Variants in GRIN2B observed in about 807,000 individuals in gnomAD.
The protein encoded by GRIN2B is glutamate ionotropic receptor NMDA type subunit 2B, also known as glutamate receptor ionotropic, NMDA 2B.
In GRIN2B, 5 loss-of-function variants were observed where a neutral mutation model predicts 114.5. The ratio of observed to expected loss-of-function variants is 0.04; its 90% confidence interval spans 0.02 to 0.09. The LOEUF is 0.09. Among genes scored for constraint, GRIN2B ranks in the 10% least tolerant of loss-of-function variants. GRIN2B has a pLI of 1.00. For missense variants in GRIN2B, 1,108 were observed against 1,943.5 expected, an observed-to-expected ratio of 0.57 and a Z score of 8.08; for synonymous variants, 787 against 745.1, an observed-to-expected ratio of 1.06 and a Z score of -0.92.
chr12:13,743,153 T>C (rs1375959993), intron 4 of GRIN2B, among the ~76,000 whole-genome samples: 2 of 152,174 alleles, frequency 1.3e-5, no homozygotes, highest in African/African-American at 4.8e-5. Context: ...CTTAGAAGTA[T>C]GTGTAAAATT....
chr12:13,600,565 C>T (rs550646431), intron 10 of GRIN2B, among the ~76,000 whole-genome samples: 5 of 152,078 alleles, frequency 3.3e-5, no homozygotes, highest in African/African-American at 1.2e-4. Flanking sequence ...AGAGAGAGGA[C>T]ACCTGTTTGC....
intron 4 of GRIN2B, among the ~76,000 whole-genome samples, chr12:13,679,089 G>C (rs953675371): frequency 8.6e-5 from 13 of 151,722 alleles, no homozygotes; most frequent in African/African-American, 1.9e-4. Flanking sequence ...AGGAGAGAGG[G>C]GTAAGGAAGA....
chr12:13,609,408 A>G (rs1049240576), intron 9 of GRIN2B, among the ~76,000 whole-genome samples: 1 of 152,142 alleles, frequency 6.6e-6, no homozygotes. Context: ...TCAATGTTTC[A>G]AAGACAACCC....
At chr12:13,680,447 T>G (rs1378657930) in intron 4 of GRIN2B, among the ~76,000 whole-genome samples, 2 of 119,444 alleles carry the variant, frequency 1.7e-5, no homozygotes, top group Non-Finnish European at 3.7e-5. Flanking sequence ...TGTGTGTGTG[T>G]GTGTGTGTGT....
chr12:13,955,951 A>C (rs1867583103), intron 2 of GRIN2B, among the ~76,000 whole-genome samples: 1 of 152,208 alleles, frequency 6.6e-6, no homozygotes, highest in African/African-American at 2.4e-5. Flanking sequence ...GACAAGGGTG[A>C]CAAGGGCTGT....
intron 4 of GRIN2B, among the ~76,000 whole-genome samples, chr12:13,700,283 T>C (rs946281586): frequency 3.9e-5 from 6 of 152,162 alleles, no homozygotes. Context: ...CCTATGTAAT[T>C]TCGCTAACTG....
intron 4 of GRIN2B, among the ~76,000 whole-genome samples, chr12:13,706,401 T>G (rs1314706530): frequency 6.6e-6 from 1 of 152,138 alleles, no homozygotes; most frequent in Non-Finnish European, 1.5e-5. Context: ...ACTAAATGGT[T>G]AGAAATAAAA....
intron 3 of GRIN2B, among the ~76,000 whole-genome samples, chr12:13,821,517 T>A (rs1329994810): frequency 6.6e-6 from 1 of 152,116 alleles, no homozygotes; most frequent in Non-Finnish European, 1.5e-5. Context: ...AATGGCCAGG[T>A]GAGCAATAGA....
intron 2 of GRIN2B, among the ~76,000 whole-genome samples, chr12:13,964,496 T>C (rs1867754490): frequency 6.6e-6 from 1 of 152,204 alleles, no homozygotes; most frequent in Non-Finnish European, 1.5e-5. Context: ...TTCTCCAAAG[T>C]CTTCACCTTC....
chr12:13,957,035 A>T (rs541361800), intron 2 of GRIN2B, among the ~76,000 whole-genome samples: 130 of 152,344 alleles, frequency 8.5e-4, no homozygotes, highest in South Asian at 3.9e-3. Context: ...GGCATAAAAA[A>T]TAAATTAGAT....
chr12:13,605,111 T>C (rs1014498876), intron 10 of GRIN2B, among the ~76,000 whole-genome samples: 2 of 151,998 alleles, frequency 1.3e-5, no homozygotes, highest in Admixed American at 6.5e-5. Flanking sequence ...CTTATGGTCA[T>C]TGACTTTGTG....
intron 2 of GRIN2B, among the ~76,000 whole-genome samples, chr12:13,921,327 G>A (rs1680956233): frequency 6.6e-6 from 1 of 152,134 alleles, no homozygotes; most frequent in African/African-American, 2.4e-5. Flanking sequence ...GAACCCGGGA[G>A]GCAGAAGTTG....
At chr12:13,772,817 A>G (rs1863930339) in intron 3 of GRIN2B, among the ~76,000 whole-genome samples, 2 of 152,210 alleles carry the variant, frequency 1.3e-5, no homozygotes, top group East Asian at 3.9e-4. Flanking sequence ...AAATATCTTC[A>G]CAGGACTATA....
intron 2 of GRIN2B, among the ~76,000 whole-genome samples, chr12:13,937,986 A>C (rs1867158771): frequency 6.6e-6 from 1 of 152,100 alleles, no homozygotes; most frequent in African/African-American, 2.4e-5. Flanking sequence ...AAGAGATACA[A>C]TGTTGACTCT....
chr12:13,922,265 C>T (rs1373481239), intron 2 of GRIN2B, among the ~76,000 whole-genome samples: 1 of 152,178 alleles, frequency 6.6e-6, no homozygotes, highest in African/African-American at 2.4e-5. Flanking sequence ...GACATGGTGT[C>T]TCCAGTTCAT....
At chr12:13,885,839 C>T (rs1041571286) in intron 2 of GRIN2B, among the ~76,000 whole-genome samples, 1 of 152,206 alleles carries the variant, frequency 6.6e-6, no homozygotes, top group Non-Finnish European at 1.5e-5. Flanking sequence ...GTTGAGAGCA[C>T]ATATCTAATG....
intron 5 of GRIN2B, among the ~76,000 whole-genome samples, chr12:13,642,264 C>A (rs371100610): frequency 2.6e-5 from 4 of 152,154 alleles, no homozygotes; most frequent in African/African-American, 4.8e-5. Flanking sequence ...CTTAAAAAAA[C>A]CCCAACTCAT....
intron 4 of GRIN2B, among the ~76,000 whole-genome samples, chr12:13,699,376 G>A (rs1047800712): frequency 7.9e-5 from 12 of 152,026 alleles, no homozygotes; most frequent in African/African-American, 2.9e-4. Flanking sequence ...AAGCAAGCTT[G>A]GAACTTTTAT....
chr12:13,760,428 A>G (rs1232347986), intron 3 of GRIN2B, among the ~76,000 whole-genome samples: 1 of 152,226 alleles, frequency 6.6e-6, no homozygotes, highest in African/African-American at 2.4e-5. Context: ...CCAGCATCTT[A>G]AAGTCTTTCA....
Sources: gnomAD v4.1 joint callset for allele counts (sites outside exome capture counted in the v4.1 genomes callset) on GRCh38, gnomAD v4.1.1 for gene constraint, MANE v1.5 for transcripts, NCBI Gene and HGNC (gene_info 2026-07-23, HGNC 2026-07-21) for gene names.